The following PCDH15 variants were observed in gnomAD, a reference collection of about 807,000 sequenced individuals.
PCDH15 encodes the protein protocadherin-15.
In PCDH15, 129 loss-of-function variants were observed where a neutral mutation model predicts 178.5. The ratio of observed to expected loss-of-function variants is 0.72; its 90% CI spans 0.63 to 0.84. The LOEUF (loss-of-function observed/expected upper bound fraction) is 0.84. PCDH15 is among the 40% of genes least tolerant of loss of function. The pLI, the probability that PCDH15 is intolerant of heterozygous loss-of-function variation, is 0.00. For missense variants in PCDH15, 2,230 were observed against 2,099.9 expected (o/e 1.06, Z -1.21); for synonymous variants, 800 against 732.0 (o/e 1.09, Z -1.50).
intron 27 of PCDH15, among the ~76,000 whole-genome samples, chr10:53,857,698 A>G (rs1254805609): frequency 2.6e-5 from 4 of 152,112 alleles, no homozygotes; most frequent in Non-Finnish European, 4.4e-5. Flanking sequence ...AGAATAATTC[A>G]TTCTATGAGG....
At chr10:54,238,346 G>A (rs964880527) in intron 8 of PCDH15, among the ~76,000 whole-genome samples, 1 of 151,966 alleles carries the variant, frequency 6.6e-6, no homozygotes, top group Non-Finnish European at 1.5e-5. Flanking sequence ...AAAACATTAT[G>A]TATAATACTT....
rs1174795518 is a variant in PCDH15 at position 54,304,866 on chromosome 10, C to T, written c.876+12405G>A. Among the ~76,000 whole-genome samples, 229 of 150,668 alleles carry T rather than the reference C, an allele frequency of 1.5e-3. 1 individual carries two copies. The highest frequency in any genetic ancestry group is 3.3e-3 in the African/African-American group (134 of 41,112). ...CTGTGTCCATAGTCTGTTTATTTCCCTTTTTTTTTGTATGTATTTGCAGAA... is the reference window on the plus strand; with the variant it reads ...CTGTGTCCATAGTCTGTTTATTTCCTTTTTTTTTTGTATGTATTTGCAGAA... On this transcript the variant is annotated intron_variant, in intron 8 of 37. Coordinates refer to ENST00000644397, the MANE Select transcript of PCDH15 (RefSeq NM_001384140.1).
chr10:55,584,658 C>CAAAAA (rs59983365), intron 2 of PCDH15, among the ~76,000 whole-genome samples: 8 of 72,226 alleles, frequency 1.1e-4, no homozygotes, highest in African/African-American at 1.6e-4. Flanking sequence ...ACTCTGTCTC[C>CAAAAA]AAAAAAAAAA....
intron 27 of PCDH15, among the ~76,000 whole-genome samples, chr10:53,862,644 C>T (rs1278299327): frequency 6.6e-6 from 1 of 152,120 alleles, no homozygotes; most frequent in Non-Finnish European, 1.5e-5. Context: ...AAATGACAGG[C>T]TCCCTTCATC....
intron 2 of PCDH15, among the ~76,000 whole-genome samples, chr10:55,413,852 T>A (rs1187503033): frequency 1.3e-5 from 2 of 151,490 alleles, no homozygotes; most frequent in African/African-American, 2.4e-5. Flanking sequence ...AATCACATAT[T>A]GAATGAAGAG....
intron 20 of PCDH15, among the ~76,000 whole-genome samples, chr10:54,016,328 G>A (rs10763049): frequency 0.42 from 63,758 of 151,612 alleles, 14,661 homozygotes; most frequent in Middle Eastern, 0.65. Flanking sequence ...GATTTCTCAA[G>A]GACCTCAAAG....
intron 1 of PCDH15, among the ~76,000 whole-genome samples, chr10:54,677,540 A>G (rs2094813526): frequency 6.6e-6 from 1 of 152,096 alleles, no homozygotes; most frequent in African/African-American, 2.4e-5. Context: ...TATTTCAGGA[A>G]GGGATCATAA....
chr10:54,498,077 A>T (rs2080302078), intron 3 of PCDH15, among the ~76,000 whole-genome samples: 1 of 152,108 alleles, frequency 6.6e-6, no homozygotes, highest in South Asian at 2.1e-4. Context: ...GCAACATAAA[A>T]AGGGAACCCA....
intron 2 of PCDH15, among the ~76,000 whole-genome samples, chr10:54,579,192 A>G (rs2090797340): frequency 1.3e-5 from 2 of 152,086 alleles, no homozygotes; most frequent in Admixed American, 1.3e-4. Context: ...CTTAGAAGGC[A>G]CAGACTTGCA....
At chr10:54,686,715 T>C (rs906754279) in intron 1 of PCDH15, among the ~76,000 whole-genome samples, 1 of 152,160 alleles carries the variant, frequency 6.6e-6, no homozygotes, top group African/African-American at 2.4e-5. Context: ...TATATATACA[T>C]AGATTTATTT....
At chr10:55,462,635 A>G (rs1444998213) in intron 2 of PCDH15, among the ~76,000 whole-genome samples, 3 of 152,238 alleles carry the variant, frequency 2.0e-5, no homozygotes, top group East Asian at 3.9e-4. Context: ...CCATGTTCCT[A>G]TATATATTGT....
At chr10:54,071,188 G>C (rs143575371) in intron 17 of PCDH15, among the ~76,000 whole-genome samples, 1 of 152,104 alleles carries the variant, frequency 6.6e-6, no homozygotes, top group African/African-American at 2.4e-5. Context: ...GTATTATACA[G>C]TTTTGAGCAA....
intron 2 of PCDH15, chr10:55,599,899 A>G: frequency 1.3e-6 from 2 of 1,517,848 alleles, no homozygotes; most frequent in South Asian, 2.5e-5. Flanking sequence ...GACTTGTATG[A>G]ATGGCCACAC....
chr10:54,797,507 A>AAAAC (rs1554797245), intron 1 of PCDH15, among the ~76,000 whole-genome samples: 1 of 145,184 alleles, frequency 6.9e-6, no homozygotes, highest in African/African-American at 2.5e-5. Flanking sequence ...TTATTGTTGA[A>AAAAC]ACACACACAC....
intron 35 of PCDH15, among the ~76,000 whole-genome samples, chr10:53,814,389 A>G (rs2075985604): frequency 6.6e-6 from 1 of 152,196 alleles, no homozygotes. Context: ...TTTTCTTTAC[A>G]TAAATACTTT....
intron 21 of PCDH15, among the ~76,000 whole-genome samples, chr10:53,976,752 T>C (rs761071962): frequency 6.6e-6 from 1 of 152,108 alleles, no homozygotes; most frequent in Non-Finnish European, 1.5e-5. Context: ...AAATGAATAC[T>C]ACAACTGATT....
intron 14 of PCDH15, among the ~76,000 whole-genome samples, chr10:54,136,897 T>G (rs141501383): frequency 1.2e-4 from 18 of 152,260 alleles, no homozygotes; most frequent in Middle Eastern, 3.4e-3. Context: ...GAATGTTAGT[T>G]ATTTGGAGGA....
At chr10:54,752,975 T>C (rs1234409520) in intron 1 of PCDH15, among the ~76,000 whole-genome samples, 2 of 152,180 alleles carry the variant, frequency 1.3e-5, no homozygotes, top group Admixed American at 6.5e-5. Context: ...GATCTAAATA[T>C]ATATTGACAA....
At chr10:54,729,499 A>G (rs955566020) in intron 1 of PCDH15, among the ~76,000 whole-genome samples, 11 of 151,704 alleles carry the variant, frequency 7.3e-5, no homozygotes, top group African/African-American at 2.7e-4. Flanking sequence ...CCTGGCAAGG[A>G]TTTTATGACT....
Sources: gnomAD v4.1 joint callset for allele counts (sites outside exome capture counted in the v4.1 genomes callset) on GRCh38, gnomAD v4.1.1 for gene constraint, MANE v1.5 for transcripts, NCBI Gene and HGNC (gene_info 2026-07-23, HGNC 2026-07-21) for gene names.